AGBL4: variants seen among roughly 807,000 people sequenced by gnomAD.
AGBL4 encodes cytosolic carboxypeptidase 6.
A neutral mutation model predicts 66.4 loss-of-function variants in AGBL4; 58 were observed. The ratio of observed to expected loss-of-function variants is 0.87; its 90% CI spans 0.71 to 1.09. AGBL4 has a LOEUF of 1.09. AGBL4 is among the 50% of genes least tolerant of loss of function. AGBL4 has a pLI of 0.00. For synonymous variants in AGBL4, 234 were observed against 222.9 expected (o/e 1.05, Z -0.44); for missense variants, 579 against 631.0 (o/e 0.92, Z 0.88).
intron 2 of AGBL4, among the ~76,000 whole-genome samples, chr1:49,751,810 T>G (rs1055068694): frequency 6.6e-6 from 1 of 152,182 alleles, no homozygotes; most frequent in African/African-American, 2.4e-5. Flanking sequence ...TCTTAGGTGA[T>G]GTATGTGTCC....
At chr1:49,206,271 G>A (rs968302513) in intron 4 of AGBL4, among the ~76,000 whole-genome samples, 3 of 151,864 alleles carry the variant, frequency 2.0e-5, no homozygotes, top group African/African-American at 7.3e-5. Flanking sequence ...CTGAGACTGG[G>A]ATAAATATAC....
Position 48,621,251 on chromosome 1 carries a change from A to C in AGBL4, c.951+13242T>G, listed in dbSNP as rs561822499. 2.5e-4 allele frequency among the ~76,000 whole-genome samples: 38 copies of C among 152,308 alleles called. No individual in the cohort carries two copies. In the South Asian group the frequency reaches 7.5e-3, roughly 30 times the overall value. ...GTAGAGATAAGATAGATGGAAAGAG[A>C]GATAGAAGGATGGCTGGTTAGACAG... On this transcript the variant is annotated intron_variant, in intron 9 of 13. Transcript: ENST00000371839.
chr1:48,719,290 A>G (rs12405507), intron 6 of AGBL4, among the ~76,000 whole-genome samples: 85,661 of 152,068 alleles, frequency 0.56, 25,166 homozygotes, highest in East Asian at 0.92. Flanking sequence ...CTCTGGACAT[A>G]GTTGCCCTGG....
At chr1:49,619,223 T>C (rs1349814120) in intron 3 of AGBL4, among the ~76,000 whole-genome samples, 1 of 152,180 alleles carries the variant, frequency 6.6e-6, no homozygotes, top group Non-Finnish European at 1.5e-5. Context: ...GAAAACTCCA[T>C]CGTCTCAGCC....
In AGBL4 at chr1:49,933,622, C is replaced by T. The variant is rs374651635; in HGVS notation, c.35-82104G>A. Among the ~76,000 whole-genome samples the T allele has an allele frequency of 5.6e-4, 85 of 151,968 alleles. 1 individual carries two copies. In the South Asian group the frequency reaches 9.5e-3, roughly 17 times the overall value. On this transcript the variant is annotated intron_variant, in intron 1 of 13. Coordinates refer to ENST00000371839, the MANE Select transcript of AGBL4 (RefSeq NM_032785.4). ...GTTAATGGATTCACAATAAAAAAGACGCAAATTATGACAATAACAAAGTGT... is the reference window on the plus strand; with the variant it reads ...GTTAATGGATTCACAATAAAAAAGATGCAAATTATGACAATAACAAAGTGT...
intron 3 of AGBL4, among the ~76,000 whole-genome samples, chr1:49,457,736 T>C (rs966049111): frequency 6.6e-6 from 1 of 151,860 alleles, no homozygotes; most frequent in African/African-American, 2.4e-5. Flanking sequence ...TTTATTTTTG[T>C]ACAAGGTGAG....
intron 4 of AGBL4, among the ~76,000 whole-genome samples, chr1:49,232,057 T>C (rs575838006): frequency 6.6e-6 from 1 of 152,222 alleles, no homozygotes; most frequent in African/African-American, 2.4e-5. Flanking sequence ...TGTAACCCCA[T>C]CATAAATTCT....
At chr1:49,048,744 C>T (rs1221007386) in intron 4 of AGBL4, among the ~76,000 whole-genome samples, 2 of 151,626 alleles carry the variant, frequency 1.3e-5, no homozygotes, top group East Asian at 1.9e-4. Context: ...CTCATAATAA[C>T]CTTATGAGCT....
chr1:48,943,868 G>T (rs1656229583), intron 5 of AGBL4, among the ~76,000 whole-genome samples: 1 of 152,114 alleles, frequency 6.6e-6, no homozygotes, highest in South Asian at 2.1e-4. Flanking sequence ...TATTAACCCT[G>T]CCTGAGGTGG....
rs139681618 is a variant in AGBL4 at position 49,038,857 on chromosome 1, C to A, written c.594+6727G>T. Among the ~76,000 whole-genome samples the A allele has an allele frequency of 7.9e-5, 12 of 152,166 alleles. No homozygotes were observed. The East Asian group carries it at 2.1e-3, about 27-fold the overall frequency. ...AGCAACTGGACTCCTTGGAATTTACCCAAAGGAGCTGAAAATGTATGCCCA... is the reference window on the plus strand; with the variant it reads ...AGCAACTGGACTCCTTGGAATTTACACAAAGGAGCTGAAAATGTATGCCCA... On this transcript the variant is annotated intron_variant, in intron 5 of 13. Coordinates refer to ENST00000371839, the MANE Select transcript of AGBL4 (RefSeq NM_032785.4).
intron 2 of AGBL4, among the ~76,000 whole-genome samples, chr1:49,738,475 G>T (rs1204993444): frequency 6.6e-6 from 1 of 152,212 alleles, no homozygotes; most frequent in Non-Finnish European, 1.5e-5. Flanking sequence ...CTACACCTCT[G>T]GGGGCAGGGC....
intron 4 of AGBL4, among the ~76,000 whole-genome samples, chr1:49,046,744 G>T (rs1644089861): frequency 1.3e-5 from 2 of 152,068 alleles, no homozygotes; most frequent in African/African-American, 4.8e-5. Flanking sequence ...ACAATTCCAG[G>T]CCAGTTCAGC....
chr1:49,614,355 A>T (rs1645211688), intron 3 of AGBL4, among the ~76,000 whole-genome samples: 1 of 151,926 alleles, frequency 6.6e-6, no homozygotes, highest in African/African-American at 2.4e-5. Flanking sequence ...TTTTTGTGAG[A>T]TTCTTCCATG....
At chr1:48,671,828 G>A (rs10888610) in intron 6 of AGBL4, among the ~76,000 whole-genome samples, 85,084 of 152,006 alleles carry the variant, frequency 0.56, 24,120 homozygotes, top group Middle Eastern at 0.66. Flanking sequence ...TACTTGTGAA[G>A]TAGTATTTGT....
At chr1:49,434,302 G>A (rs1397541543) in intron 3 of AGBL4, among the ~76,000 whole-genome samples, 1 of 152,092 alleles carries the variant, frequency 6.6e-6, no homozygotes. Flanking sequence ...GGTCTTTGAA[G>A]CCTTAATGGG....
intron 2 of AGBL4, among the ~76,000 whole-genome samples, chr1:49,718,230 CAGTT>C (rs1387161105): frequency 1.3e-5 from 2 of 152,152 alleles, no homozygotes; most frequent in African/African-American, 4.8e-5. Context: ...AGTTCTCACA[CAGTT>C]AGTTCACACA....
At chr1:49,314,008 G>C (rs183535831) in intron 3 of AGBL4, among the ~76,000 whole-genome samples, 1 of 152,050 alleles carries the variant, frequency 6.6e-6, no homozygotes, top group African/African-American at 2.4e-5. Flanking sequence ...TAGGTCTTAC[G>C]TTTAACTCCT....
chr1:49,633,072 C>CA (rs1367485513), intron 3 of AGBL4, among the ~76,000 whole-genome samples: 1 of 151,142 alleles, frequency 6.6e-6, no homozygotes, highest in Non-Finnish European at 1.5e-5. Context: ...GACTCCATCT[C>CA]AAAAAATAAA....
chr1:49,690,209 A>C (rs1002537946), intron 3 of AGBL4, among the ~76,000 whole-genome samples: 2 of 152,208 alleles, frequency 1.3e-5, no homozygotes, highest in Non-Finnish European at 2.9e-5. Flanking sequence ...ATTTTATAAT[A>C]TAGTGAGCAT....
Sources: allele counts gnomAD v4.1 joint callset (sites outside exome capture counted in the v4.1 genomes callset), GRCh38; gene constraint gnomAD v4.1.1; transcripts MANE v1.5; gene names NCBI Gene and HGNC (gene_info 2026-07-23, HGNC 2026-07-21).